ZFHX3: variants seen among roughly 807,000 people sequenced by gnomAD.
ZFHX3 encodes the protein zinc finger homeobox protein 3.
Under a neutral mutation model 279.1 loss-of-function variants are expected in ZFHX3, and 42 were observed. The observed-to-expected ratio is 0.15, with a 90% CI of 0.12 to 0.19. The LOEUF (loss-of-function observed/expected upper bound fraction) is 0.19, where lower values mean the gene tolerates loss of function less well. Among genes scored for constraint, ZFHX3 ranks in the 10% least tolerant of loss-of-function variants. The pLI, the probability that ZFHX3 is intolerant of heterozygous loss-of-function variation, is 1.00. For synonymous variants in ZFHX3, 2,293 were observed against 1,957.8 expected (o/e 1.17, Z -4.52); for missense variants, 4,981 against 4,754.0 (o/e 1.05, Z -1.40).
chr16:73,142,057 A>G (rs900735965), intron 6 of ZFHX3, among the ~76,000 whole-genome samples: 4 of 152,224 alleles, frequency 2.6e-5, no homozygotes, highest in Non-Finnish European at 4.4e-5. Context: ...TCACCCTGCC[A>G]TCTGACAATA....
chr16:73,329,579 C>T (rs1257763708), intron 3 of ZFHX3, among the ~76,000 whole-genome samples: 1 of 152,240 alleles, frequency 6.6e-6, no homozygotes, highest in African/African-American at 2.4e-5. Context: ...GATACTGCTC[C>T]AGCATCTACA....
chr16:73,654,394 A>G (rs1017755358), intron 2 of ZFHX3, among the ~76,000 whole-genome samples: 1 of 152,140 alleles, frequency 6.6e-6, no homozygotes, highest in Non-Finnish European at 1.5e-5. Flanking sequence ...TATACATTCA[A>G]GAACAAAACA....
intron 1 of ZFHX3, among the ~76,000 whole-genome samples, chr16:73,868,416 C>T (rs187267403): frequency 3.7e-4 from 57 of 152,316 alleles, no homozygotes; most frequent in African/African-American, 1.3e-3. Flanking sequence ...CCCAGCTACT[C>T]GGGAGGCCGA....
chr16:72,990,127 C>G (rs545222985), intron 1 of ZFHX3, among the ~76,000 whole-genome samples: 16 of 152,228 alleles, frequency 1.1e-4, no homozygotes, highest in African/African-American at 3.4e-4. Context: ...TCTGACTCAG[C>G]CAGTCAAAAG....
chr16:73,719,541 A>G (rs2053452770), intron 1 of ZFHX3, among the ~76,000 whole-genome samples: 1 of 152,216 alleles, frequency 6.6e-6, no homozygotes, highest in Admixed American at 6.5e-5. Flanking sequence ...AGACTCTTAC[A>G]ATTACACCAA....
chr16:72,976,689 T>C (rs991007380), intron 1 of ZFHX3, among the ~76,000 whole-genome samples: 1 of 152,212 alleles, frequency 6.6e-6, no homozygotes, highest in African/African-American at 2.4e-5. Context: ...GCTCGCCTCA[T>C]TCCAGAGTCT....
At chr16:73,133,052 T>A (rs2144822265) in intron 6 of ZFHX3, among the ~76,000 whole-genome samples, 1 of 152,220 alleles carries the variant, frequency 6.6e-6, no homozygotes, top group Middle Eastern at 3.4e-3. Context: ...CCCTGGGGTG[T>A]TTTAAGAAGT....
intron 5 of ZFHX3, among the ~76,000 whole-genome samples, chr16:73,157,007 C>T (rs879210775): frequency 1.4e-4 from 22 of 152,276 alleles, no homozygotes; most frequent in Middle Eastern, 3.4e-3. Flanking sequence ...CCACCGTGCC[C>T]GGCCTCCTGG....
chr16:73,394,241 T>A (rs1290484104), intron 3 of ZFHX3, among the ~76,000 whole-genome samples: 1 of 88,994 alleles, frequency 1.1e-5, no homozygotes, highest in Non-Finnish European at 2.3e-5. Context: ...TGTTTTCTGT[T>A]TTTTTTTTTT....
At chr16:72,894,157 A>C (rs2038839778) in intron 3 of ZFHX3, among the ~76,000 whole-genome samples, 1 of 152,034 alleles carries the variant, frequency 6.6e-6, no homozygotes, top group African/African-American at 2.4e-5. Context: ...TCAAAAAAAA[A>C]AAAAAAAAAT....
intron 1 of ZFHX3, among the ~76,000 whole-genome samples, chr16:73,764,494 T>C (rs1435830238): frequency 1.3e-5 from 2 of 152,116 alleles, no homozygotes; most frequent in Non-Finnish European, 2.9e-5. Flanking sequence ...AGAGAATTCA[T>C]AGTGATCTTA....
intron 3 of ZFHX3, among the ~76,000 whole-genome samples, chr16:72,933,923 A>G (rs909812921): frequency 2.1e-5 from 3 of 145,450 alleles, no homozygotes; most frequent in South Asian, 2.1e-4. Context: ...GGTTCATGCC[A>G]TTCTCCCACC....
At position 72,876,297 on chromosome 16, in the gene ZFHX3, T is replaced by G. The variant is rs1183052801; in HGVS notation, c.3448+13434A>C. 2.6e-5 allele frequency among the ~76,000 whole-genome samples: 4 copies of G among 152,190 alleles called. 1 individual carries two copies. The highest frequency in any genetic ancestry group is 5.9e-5 in the Non-Finnish European group (4 of 68,028). On this transcript the variant is annotated intron_variant, in intron 4 of 9. Transcript: ENST00000268489. The stretch of plus-strand genomic sequence containing the variant: ...AGCCACAGATGGCTCAGGGATCCAG[T>G]CTCGCTTGAGAAACATGATGGAATA...
Position 73,522,073 on chromosome 16 carries a change from G to A in ZFHX3, c.-1546-65815C>T, listed in dbSNP as rs1369481483. On this transcript the variant is annotated intron_variant, in intron 2 of 17. Coordinates refer to the ZFHX3 transcript ENST00000641206. ...TCAGTTATATATGCCTTTACTTAAT[G>A]AATATAGGAAAGAGAATTCATTATT... Among the ~76,000 whole-genome samples, 3 of 152,150 alleles carry A rather than the reference G, an allele frequency of 2.0e-5. No homozygotes were observed. In the East Asian group the frequency reaches 5.8e-4, roughly 29 times the overall value.
chr16:72,843,267 T>C (rs1490785189), intron 4 of ZFHX3, among the ~76,000 whole-genome samples: 2 of 151,666 alleles, frequency 1.3e-5, no homozygotes, highest in Non-Finnish European at 2.9e-5. Context: ...TCTCAGCACT[T>C]TGGGAGGCCA....
chr16:73,328,735 C>A (rs1372880921), intron 3 of ZFHX3, among the ~76,000 whole-genome samples: 1 of 152,178 alleles, frequency 6.6e-6, no homozygotes. Context: ...AAGATAAGTG[C>A]TCAGAAGGAT....
chr16:72,981,123 C>T lies in ZFHX3; in HGVS notation c.-49-20929G>A, dbSNP rs8051371. On this transcript the variant is annotated intron_variant, in intron 1 of 9. Transcript: ENST00000268489. ...CTTCCGAAGGGCTTTCCTCCCAGGC[C>T]GGGCCCCAGCTATCTCTAAAGCTCC... Among the ~76,000 whole-genome samples, 22 of 152,260 alleles carry T rather than the reference C, an allele frequency of 1.4e-4. No individual in the cohort carries two copies. In the South Asian group the frequency reaches 3.9e-3, roughly 27 times the overall value.
At chr16:73,890,774 G>T (rs2142424726) in intron 1 of ZFHX3, among the ~76,000 whole-genome samples, 1 of 152,024 alleles carries the variant, frequency 6.6e-6, no homozygotes, top group African/African-American at 2.4e-5. Flanking sequence ...TTGCACTGAT[G>T]GACCAAATAA....
At chr16:73,776,052 A>G (rs545274587) in intron 1 of ZFHX3, among the ~76,000 whole-genome samples, 4 of 152,316 alleles carry the variant, frequency 2.6e-5, no homozygotes, top group African/African-American at 9.6e-5. Flanking sequence ...GACTTAACAG[A>G]CAAGAGAGGG....
Sources: gnomAD v4.1 joint callset for allele counts (sites outside exome capture counted in the v4.1 genomes callset) on GRCh38, gnomAD v4.1.1 for gene constraint, MANE v1.5 for transcripts, NCBI Gene and HGNC (gene_info 2026-07-23, HGNC 2026-07-21) for gene names.